The following HHLA2 variants were observed in gnomAD, a reference collection of about 807,000 sequenced individuals.
HHLA2 encodes HHLA2 member of B7 family.
In HHLA2, 48 loss-of-function variants were observed where a neutral mutation model predicts 45.9. That is an observed-to-expected ratio of 1.05 (90% CI 0.83 to 1.33). The LOEUF (loss-of-function observed/expected upper bound fraction) is 1.33, where lower values mean the gene tolerates loss of function less well. Ranked by LOEUF, HHLA2 falls within the 40% of genes most tolerant of loss-of-function variation. The probability of loss-of-function intolerance (pLI) is 0.00; values close to 1 mark genes in which losing one functional copy is unlikely to be tolerated. For synonymous variants in HHLA2, 161 were observed against 173.9 expected (o/e 0.93, Z 0.59); for missense variants, 462 against 494.3 (o/e 0.93, Z 0.62).
chr3:108,343,825 T>C (rs1481185203), intron 3 of HHLA2, among the ~76,000 whole-genome samples: 4 of 152,238 alleles, frequency 2.6e-5, no homozygotes, highest in African/African-American at 9.6e-5. Context: ...GATGGAATTC[T>C]GATATCAGGA....
chr3:108,319,354 A>C (rs1184846424), intron 2 of HHLA2, among the ~76,000 whole-genome samples: 2 of 152,046 alleles, frequency 1.3e-5, no homozygotes, highest in Non-Finnish European at 2.9e-5. Flanking sequence ...TTCCCACTTG[A>C]TCTTCCTTCC....
intron 1 of HHLA2, among the ~76,000 whole-genome samples, chr3:108,300,426 C>A (rs184644061): frequency 6.6e-6 from 1 of 152,054 alleles, no homozygotes; most frequent in Non-Finnish European, 1.5e-5. Flanking sequence ...TGCTCTTAGA[C>A]GAAACCAGTT....
intron 3 of HHLA2, among the ~76,000 whole-genome samples, chr3:108,344,056 T>C (rs1210032170): frequency 6.6e-6 from 1 of 152,192 alleles, no homozygotes; most frequent in Non-Finnish European, 1.5e-5. Context: ...AGTTAAAAAC[T>C]AGTTAGTCTA....
exon 10 of HHLA2, chr3:108,376,546 G>A (rs751741182): frequency 1.5e-5 from 24 of 1,611,958 alleles, no homozygotes; most frequent in South Asian, 7.7e-5. Context: ...CGATAATGGC[G>A]AAGAAAATGT....
At chr3:108,368,250 A>T (rs777276451) in intron 8 of HHLA2, among the ~76,000 whole-genome samples, 2 of 152,146 alleles carry the variant, frequency 1.3e-5, no homozygotes, top group Non-Finnish European at 2.9e-5. Flanking sequence ...GCCACTGCAA[A>T]AAAACACCAT....
intron 3 of HHLA2, among the ~76,000 whole-genome samples, chr3:108,339,135 C>G (rs2081523020): frequency 6.6e-6 from 1 of 152,208 alleles, no homozygotes. Context: ...TGATGTGATA[C>G]AGGTCTAACA....
intron 1 of HHLA2, among the ~76,000 whole-genome samples, chr3:108,297,246 A>C (rs1235213284): frequency 2.6e-5 from 4 of 152,232 alleles, no homozygotes; most frequent in Admixed American, 1.3e-4. Context: ...AAATATGAAC[A>C]GGTAATTTAG....
intron 3 of HHLA2, among the ~76,000 whole-genome samples, chr3:108,336,170 T>A (rs924667740): frequency 1.3e-5 from 2 of 152,106 alleles, no homozygotes; most frequent in Non-Finnish European, 2.9e-5. Context: ...AAAATGTAAT[T>A]CACTGTTTTA....
rs940591154 is a variant in HHLA2 at position 108,362,279 on chromosome 3, A to G, written c.1004-63A>G. On this transcript the variant is annotated intron_variant, in intron 7 of 10. Transcript: ENST00000619531. ...ACATACTCCACCCTTACCCACCCAC[A>G]CATTTCTTATCTGGTAATTTTTCTT... The G allele has an allele frequency of 5.8e-6, 7 of 1,204,948 alleles. No individual in the cohort carries two copies. In the African/African-American group the frequency reaches 6.1e-5, roughly 11 times the overall value. 74.6% of individuals were successfully genotyped at this position (1,204,948 alleles called of 1,614,324 possible). A position where few individuals can be genotyped will look rare whatever the true frequency, so the allele number is the denominator to read the frequency against.
At chr3:108,370,147 G>A (rs7649977) in intron 8 of HHLA2, among the ~76,000 whole-genome samples, 3,477 of 152,286 alleles carry the variant, frequency 0.023, 114 homozygotes, top group African/African-American at 0.079. Flanking sequence ...AGCATCTGTA[G>A]TTCACAAGTA....
At chr3:108,340,855 G>T (rs2081552671) in intron 3 of HHLA2, among the ~76,000 whole-genome samples, 1 of 148,478 alleles carries the variant, frequency 6.7e-6, no homozygotes, top group African/African-American at 2.5e-5. Context: ...AAGAAAGAAA[G>T]AAACAGGGGT....
intron 3 of HHLA2, among the ~76,000 whole-genome samples, chr3:108,328,626 T>G (rs1321819166): frequency 6.6e-6 from 1 of 152,096 alleles, no homozygotes; most frequent in Non-Finnish European, 1.5e-5. Context: ...AATTTAGACT[T>G]TGCACACTAT....
At chr3:108,372,220 A>G (rs1410560121) in intron 8 of HHLA2, among the ~76,000 whole-genome samples, 1 of 152,256 alleles carries the variant, frequency 6.6e-6, no homozygotes, top group East Asian at 1.9e-4. Flanking sequence ...CTGCTCCTGA[A>G]TGACGACTGG....
chr3:108,328,323 T>C (rs1449326818), exon 3 of HHLA2: 2 of 1,532,016 alleles, frequency 1.3e-6, no homozygotes, highest in Non-Finnish European at 1.7e-6. Flanking sequence ...TGGAATATAC[T>C]AAAGCCTAGA....
At chr3:108,361,320 G>T (rs151298552) in intron 7 of HHLA2, among the ~76,000 whole-genome samples, 17 of 152,230 alleles carry the variant, frequency 1.1e-4, no homozygotes, top group Non-Finnish European at 1.0e-4. Context: ...ATGTCATCCC[G>T]CTCCATCCTG....
intron 7 of HHLA2, among the ~76,000 whole-genome samples, chr3:108,360,495 T>C (rs1355975020): frequency 6.6e-6 from 1 of 152,224 alleles, no homozygotes; most frequent in Admixed American, 6.5e-5. Flanking sequence ...ATTGCCAGCA[T>C]CACTACTCTT....
At chr3:108,331,861 T>G (rs2081392114) in intron 3 of HHLA2, among the ~76,000 whole-genome samples, 1 of 152,136 alleles carries the variant, frequency 6.6e-6, no homozygotes. Context: ...CCCCTCCCCA[T>G]TCTACCTTGA....
intron 2 of HHLA2, chr3:108,326,225 G>A: frequency 4.9e-6 from 1 of 205,710 alleles, no homozygotes; most frequent in Non-Finnish European, 1.0e-5. Flanking sequence ...CACCTTGTAT[G>A]GTGTATTCGT....
intron 1 of HHLA2, among the ~76,000 whole-genome samples, chr3:108,299,704 C>A (rs936168285): frequency 3.5e-4 from 53 of 152,072 alleles, no homozygotes; most frequent in African/African-American, 1.0e-3. Flanking sequence ...TCAGATGACC[C>A]AAGTGGCAAG....
Sources: gnomAD v4.1 joint callset for allele counts (sites outside exome capture counted in the v4.1 genomes callset) on GRCh38, gnomAD v4.1.1 for gene constraint, MANE v1.5 for transcripts, NCBI Gene and HGNC (gene_info 2026-07-23, HGNC 2026-07-21) for gene names.